LRRC4C: variants seen among roughly 807,000 people sequenced by gnomAD.
The protein encoded by LRRC4C is leucine rich repeat containing 4C.
LRRC4C carries 5 observed loss-of-function variants against 33.6 expected under a neutral mutation model. That is an observed-to-expected ratio of 0.15 (90% CI 0.08 to 0.31). LRRC4C has a LOEUF of 0.31. LRRC4C is among the 10% of genes least tolerant of loss of function. The probability of loss-of-function intolerance (pLI) is 1.00; values close to 1 mark genes in which losing one functional copy is unlikely to be tolerated. For synonymous variants in LRRC4C, 329 were observed against 302.0 expected (o/e 1.09, Z -0.93); for missense variants, 560 against 796.7 (o/e 0.70, Z 3.58).
At chr11:40,665,325 A>ATATATATAT (rs1491445233) in intron 2 of LRRC4C, among the ~76,000 whole-genome samples, 12 of 13,364 alleles carry the variant, frequency 9.0e-4, no homozygotes, top group South Asian at 2.7e-3. Context: ...AAAAAAAAAA[A>ATATATATAT]ATATATATAT....
chr11:40,909,883 A>C (rs1278474816), intron 2 of LRRC4C, among the ~76,000 whole-genome samples: 1 of 152,208 alleles, frequency 6.6e-6, no homozygotes, highest in Non-Finnish European at 1.5e-5. Context: ...CAACGCTTGA[A>C]TATGACAAGC....
chr11:40,242,176 T>G (rs1282690845), intron 4 of LRRC4C, among the ~76,000 whole-genome samples: 1 of 152,188 alleles, frequency 6.6e-6, no homozygotes, highest in Non-Finnish European at 1.5e-5. Context: ...CTGGTGTTTT[T>G]GGAAATGTTT....
intron 2 of LRRC4C, among the ~76,000 whole-genome samples, chr11:40,831,840 G>T (rs566222454): frequency 2.0e-5 from 3 of 152,132 alleles, no homozygotes; most frequent in Admixed American, 2.0e-4. Flanking sequence ...CTGCCCCCAT[G>T]ATTCAGTTAC....
At chr11:40,885,632 A>C (rs984563580) in intron 2 of LRRC4C, among the ~76,000 whole-genome samples, 1 of 152,140 alleles carries the variant, frequency 6.6e-6, no homozygotes, top group Non-Finnish European at 1.5e-5. Context: ...TTCCTGCTAT[A>C]ATTTAGAGAC....
intron 5 of LRRC4C, among the ~76,000 whole-genome samples, chr11:40,156,725 T>C (rs1256779201): frequency 6.6e-6 from 1 of 151,874 alleles, no homozygotes; most frequent in East Asian, 1.9e-4. Flanking sequence ...AAAAGACCTC[T>C]ACAAGGAAAA....
intron 1 of LRRC4C, among the ~76,000 whole-genome samples, chr11:41,123,563 C>T (rs1247786509): frequency 1.3e-5 from 2 of 151,972 alleles, no homozygotes; most frequent in Non-Finnish European, 2.9e-5. Flanking sequence ...TGAGCCACCG[C>T]GCCCGGCCTT....
At chr11:40,525,405 C>G (rs1032037972) in intron 3 of LRRC4C, among the ~76,000 whole-genome samples, 8 of 152,236 alleles carry the variant, frequency 5.3e-5, no homozygotes, top group African/African-American at 1.9e-4. Context: ...AAGATTGCAC[C>G]ACTGCACTCC....
rs1044323545 is a variant in LRRC4C at position 41,204,021 on chromosome 11, AT to A, written c.-496+255409del. Reference sequence around the variant, plus strand: ...AATTGTCAGATCAGAATAAGACCTCATTTTTTTTTCTCCAGATTATAGATGG... The same window carrying A: ...AATTGTCAGATCAGAATAAGACCTCATTTTTTTTCTCCAGATTATAGATGG... On this transcript the variant is annotated intron_variant, in intron 1 of 6. Coordinates refer to ENST00000528697, the MANE Select transcript of LRRC4C (RefSeq NM_001258419.2). 3.0e-4 allele frequency among the ~76,000 whole-genome samples: 45 copies of A among 151,300 alleles called. 1 individual carries two copies. The South Asian group carries it at 6.1e-3, about 20-fold the overall frequency.
At chr11:41,171,190 G>GT (rs1490957768) in intron 1 of LRRC4C, among the ~76,000 whole-genome samples, 3 of 152,106 alleles carry the variant, frequency 2.0e-5, no homozygotes, top group African/African-American at 7.2e-5. Flanking sequence ...GTGGAAGTCA[G>GT]TGTGGCGATT....
intron 2 of LRRC4C, among the ~76,000 whole-genome samples, chr11:40,678,382 A>G (rs1405918938): frequency 9.2e-5 from 14 of 152,106 alleles, no homozygotes; most frequent in Admixed American, 9.2e-4. Flanking sequence ...ATTGTTCTGA[A>G]TAACCTTCTG....
chr11:41,250,247 AT>A (rs1305418013), intron 1 of LRRC4C, among the ~76,000 whole-genome samples: 6 of 152,192 alleles, frequency 3.9e-5, no homozygotes, highest in Non-Finnish European at 8.8e-5. Flanking sequence ...AATTACCTAA[AT>A]AGTTGTTTCA....
chr11:40,770,863 C>T (rs1014777058), intron 2 of LRRC4C, among the ~76,000 whole-genome samples: 1 of 152,148 alleles, frequency 6.6e-6, no homozygotes, highest in Non-Finnish European at 1.5e-5. Flanking sequence ...CTCCCATGGC[C>T]TTGGGCAGCT....
At chr11:40,739,013 GTGTGTGTGTGTGTGTA>G (rs981191896) in intron 2 of LRRC4C, among the ~76,000 whole-genome samples, 4 of 116,978 alleles carry the variant, frequency 3.4e-5, no homozygotes, top group African/African-American at 1.4e-4. Context: ...GCTATTGTGT[GTGTGTGTGTGTGTGTA>G]TGTGTGTGTG....
chr11:41,346,238 T>C (rs78293364), intron 1 of LRRC4C, among the ~76,000 whole-genome samples: 2,967 of 152,246 alleles, frequency 0.019, 95 homozygotes, highest in African/African-American at 0.069. Flanking sequence ...TAGAAGGTGG[T>C]GCTCCTTAAA....
intron 4 of LRRC4C, among the ~76,000 whole-genome samples, chr11:40,244,244 T>C (rs958033515): frequency 2.6e-5 from 4 of 152,116 alleles, no homozygotes; most frequent in African/African-American, 9.7e-5. Context: ...TTTGACATGC[T>C]GAACTGAAGA....
At chr11:40,878,532 A>T (rs1418039280) in intron 2 of LRRC4C, among the ~76,000 whole-genome samples, 2 of 152,136 alleles carry the variant, frequency 1.3e-5, no homozygotes, top group African/African-American at 4.8e-5. Context: ...AAGAGAATTT[A>T]ATGTCATCGC....
In LRRC4C at chr11:40,717,460, T is replaced by C. The variant is rs1434520191; in HGVS notation, c.-406-69182A>G. Among the ~76,000 whole-genome samples, 3 of 152,178 alleles carry C rather than the reference T, an allele frequency of 2.0e-5. No individual in the cohort carries two copies. The East Asian group carries it at 5.8e-4, about 29-fold the overall frequency. ...AAAATATAAGCTTGATGAAGAGGTT[T>C]GAAGAGTGCAGAAATTACACTTTCT... is the stretch of plus-strand genomic sequence containing the variant. On this transcript the variant is annotated intron_variant, in intron 2 of 6. Transcript: ENST00000528697.
intron 2 of LRRC4C, among the ~76,000 whole-genome samples, chr11:40,919,704 CA>C (rs759408482): frequency 1.3e-5 from 2 of 151,994 alleles, no homozygotes; most frequent in Non-Finnish European, 2.9e-5. Context: ...TCCCATAAAG[CA>C]AACATTAACA....
At chr11:41,314,100 A>AT (rs1398040944) in intron 1 of LRRC4C, among the ~76,000 whole-genome samples, 1 of 152,164 alleles carries the variant, frequency 6.6e-6, no homozygotes, top group African/African-American at 2.4e-5. Context: ...AGGGTGGAGA[A>AT]TGAAGAAATA....
Sources: gnomAD v4.1 joint callset for allele counts (sites outside exome capture counted in the v4.1 genomes callset) on GRCh38, gnomAD v4.1.1 for gene constraint, MANE v1.5 for transcripts, NCBI Gene and HGNC (gene_info 2026-07-23, HGNC 2026-07-21) for gene names.